The following STAG1 variants were observed in gnomAD, a reference collection of about 807,000 sequenced individuals.
STAG1 encodes the protein STAG1 cohesin complex component, also known as cohesin subunit SA-1.
Under a neutral mutation model 170.9 loss-of-function variants are expected in STAG1, and 26 were observed. The observed-to-expected ratio is 0.15, with a 90% CI of 0.11 to 0.21. The LOEUF (loss-of-function observed/expected upper bound fraction) is 0.21, where lower values mean the gene tolerates loss of function less well. Among genes scored for constraint, STAG1 ranks in the 10% least tolerant of loss-of-function variants. The probability of loss-of-function intolerance (pLI) is 1.00; values close to 1 mark genes in which losing one functional copy is unlikely to be tolerated. For synonymous variants in STAG1, 514 were observed against 497.7 expected, an observed-to-expected ratio of 1.03 and a Z score of -0.44; for missense variants, 964 against 1,509.5, an observed-to-expected ratio of 0.64 and a Z score of 5.99.
chr3:136,428,139 A>G (rs1463880128), intron 16 of STAG1, among the ~76,000 whole-genome samples: 2 of 152,044 alleles, frequency 1.3e-5, no homozygotes, highest in Non-Finnish European at 2.9e-5. Flanking sequence ...GGTGAGTACC[A>G]CTTTAAAGCA....
chr3:136,478,932 A>T (rs2089838118), intron 9 of STAG1, among the ~76,000 whole-genome samples: 2 of 152,112 alleles, frequency 1.3e-5, no homozygotes. Flanking sequence ...CATCTCTAAA[A>T]TAGTGGTAAT....
At chr3:136,375,545 G>A (rs1481964216) in intron 23 of STAG1, among the ~76,000 whole-genome samples, 1 of 152,076 alleles carries the variant, frequency 6.6e-6, no homozygotes, top group Middle Eastern at 3.2e-3. Context: ...ATATACTCAG[G>A]TATTTAGAAA....
intron 1 of STAG1, among the ~76,000 whole-genome samples, chr3:136,679,418 A>C (rs1942255883): frequency 6.6e-6 from 1 of 151,630 alleles, no homozygotes; most frequent in African/African-American, 2.4e-5. Flanking sequence ...CATCTCTACA[A>C]AAAAAAATAC....
chr3:136,410,582 G>A (rs1228252083), intron 21 of STAG1, among the ~76,000 whole-genome samples: 1 of 152,178 alleles, frequency 6.6e-6, no homozygotes, highest in Admixed American at 6.5e-5. Context: ...TAGTTATTTA[G>A]TATCTCTGGT....
intron 10 of STAG1, among the ~76,000 whole-genome samples, chr3:136,475,545 A>C (rs1304357045): frequency 6.6e-6 from 1 of 152,136 alleles, no homozygotes; most frequent in Non-Finnish European, 1.5e-5. Context: ...TGAGAGCTGG[A>C]ACCAAGAGTG....
At chr3:136,428,792 T>C (rs1183890193) in intron 16 of STAG1, among the ~76,000 whole-genome samples, 1 of 152,130 alleles carries the variant, frequency 6.6e-6, no homozygotes, top group Non-Finnish European at 1.5e-5. Flanking sequence ...TAGTATAAAA[T>C]GTGGGGAATG....
chr3:136,443,214 C>T (rs80071199), intron 15 of STAG1, 73 bp downstream of exon 15: 31,826 of 970,060 alleles, frequency 0.033, 709 homozygotes, highest in Non-Finnish European at 0.04. Flanking sequence ...TTTTAAGAAG[C>T]GATCTATATA....
intron 1 of STAG1, among the ~76,000 whole-genome samples, chr3:136,701,741 A>G (rs1943068613): frequency 6.6e-6 from 1 of 152,190 alleles, no homozygotes. Context: ...AATAAAAGGC[A>G]GTTAATGCTT....
chr3:136,444,154 A>ACCTC (rs963967838), intron 14 of STAG1, among the ~76,000 whole-genome samples: 4 of 151,690 alleles, frequency 2.6e-5, no homozygotes, highest in Non-Finnish European at 4.4e-5. Flanking sequence ...GCTCACTGCA[A>ACCTC]CCTCCACCTC....
At chr3:136,441,952 C>G (rs1014478043) in intron 15 of STAG1, among the ~76,000 whole-genome samples, 17 of 152,178 alleles carry the variant, frequency 1.1e-4, no homozygotes, top group African/African-American at 3.6e-4. Context: ...AATTCAAGCA[C>G]TATGGTAGGC....
chr3:136,667,636 C>G (rs1018302000), intron 1 of STAG1, among the ~76,000 whole-genome samples: 5 of 152,060 alleles, frequency 3.3e-5, no homozygotes, highest in African/African-American at 9.7e-5. Context: ...GCTGGAGTTA[C>G]AGGCACATGC....
intron 27 of STAG1, among the ~76,000 whole-genome samples, chr3:136,358,144 G>A: frequency 6.6e-6 from 1 of 150,524 alleles, no homozygotes; most frequent in African/African-American, 2.5e-5. Context: ...TTGGAGTGCA[G>A]TGGTGCTATC....
intron 28 of STAG1, among the ~76,000 whole-genome samples, chr3:136,357,011 G>C (rs1475953278): frequency 6.6e-6 from 1 of 151,528 alleles, no homozygotes; most frequent in African/African-American, 2.4e-5. Flanking sequence ...GCAGTGGTGC[G>C]ATCTCGGCTC....
At chr3:136,751,082 C>A (rs1362469544) in intron 1 of STAG1, among the ~76,000 whole-genome samples, 1 of 152,000 alleles carries the variant, frequency 6.6e-6, no homozygotes, top group Non-Finnish European at 1.5e-5. Flanking sequence ...TGCGAAGATG[C>A]AAGTCTTTCT....
chr3:136,689,422 C>T (rs1942642045), intron 1 of STAG1, among the ~76,000 whole-genome samples: 1 of 152,148 alleles, frequency 6.6e-6, no homozygotes, highest in African/African-American at 2.4e-5. Context: ...CTTCTCAATA[C>T]TGTTTTATAA....
At chr3:136,373,704 G>A (rs1937469542) in intron 23 of STAG1, among the ~76,000 whole-genome samples, 1 of 152,158 alleles carries the variant, frequency 6.6e-6, no homozygotes, top group African/African-American at 2.4e-5. Flanking sequence ...TTGCACTGTG[G>A]TCTGAGAGAC....
intron 16 of STAG1, among the ~76,000 whole-genome samples, chr3:136,428,814 C>T (rs939269761): frequency 1.3e-5 from 2 of 152,152 alleles, no homozygotes. Context: ...AAGACTTCAA[C>T]ATATAGATCT....
chr3:136,678,767 C>T (rs1176328814), intron 1 of STAG1, among the ~76,000 whole-genome samples: 1 of 145,924 alleles, frequency 6.9e-6, no homozygotes, highest in Admixed American at 7.1e-5. Context: ...AATCCCGGCA[C>T]TTTGGAAGGC....
chr3:136,633,705 A>AT, intron 1 of STAG1, among the ~76,000 whole-genome samples: 1 of 70,142 alleles, frequency 1.4e-5, no homozygotes, highest in Non-Finnish European at 3.1e-5. Flanking sequence ...CCATATCAAA[A>AT]AAAAAGGGGG....
Sources: gnomAD v4.1 joint callset for allele counts (sites outside exome capture counted in the v4.1 genomes callset) on GRCh38, gnomAD v4.1.1 for gene constraint, MANE v1.5 for transcripts, NCBI Gene and HGNC (gene_info 2026-07-23, HGNC 2026-07-21) for gene names.